Variants in SUGCT observed in about 807,000 individuals in gnomAD.
The protein encoded by SUGCT is succinyl-CoA:glutarate CoA-transferase.
In SUGCT, 41 loss-of-function variants were observed where a neutral mutation model predicts 55.0. That is an observed-to-expected ratio of 0.74 (90% CI 0.58 to 0.97). SUGCT has a LOEUF of 0.97. SUGCT is among the 50% of genes least tolerant of loss of function. SUGCT has a pLI of 0.00. For missense variants in SUGCT, 568 were observed against 547.8 expected, an observed-to-expected ratio of 1.04 and a Z score of -0.37; for synonymous variants, 187 against 200.4, an observed-to-expected ratio of 0.93 and a Z score of 0.56.
intron 12 of SUGCT, among the ~76,000 whole-genome samples, chr7:40,586,304 G>A (rs956275544): frequency 3.3e-5 from 5 of 152,128 alleles, no homozygotes; most frequent in African/African-American, 4.8e-5. Flanking sequence ...GCCACTAGCC[G>A]TTTTGCTTGA....
intron 9 of SUGCT, among the ~76,000 whole-genome samples, chr7:40,363,201 C>CT: frequency 6.6e-6 from 1 of 151,902 alleles, no homozygotes; most frequent in Admixed American, 6.6e-5. Flanking sequence ...ATTCTTCTCT[C>CT]TTTTTTTCTT....
chr7:40,631,738 A>G (rs188377019), intron 12 of SUGCT, among the ~76,000 whole-genome samples: 13 of 152,298 alleles, frequency 8.5e-5, no homozygotes, highest in African/African-American at 2.9e-4. Flanking sequence ...CTAGAAGACC[A>G]CTGAGTTAAG....
chr7:40,676,982 C>T (rs1378603225), intron 12 of SUGCT, among the ~76,000 whole-genome samples: 1 of 151,354 alleles, frequency 6.6e-6, no homozygotes, highest in Non-Finnish European at 1.5e-5. Flanking sequence ...GAAGTGCCCA[C>T]ATAAGTCATT....
Position 40,269,047 on chromosome 7 carries a change from C to T in SUGCT, c.577-5466C>T, listed in dbSNP as rs73318537. On this transcript the variant is annotated intron_variant, in intron 7 of 13. Transcript: ENST00000335693. The stretch of plus-strand genomic sequence containing the variant: ...CCAGACTGTTTATCACAGTGACTAC[C>T]GCATTTCACAGTCCCACCAATAGTA... Among the ~76,000 whole-genome samples the T allele has an allele frequency of 6.2e-3, 946 of 152,270 alleles. 7 individuals are homozygous for T. The highest frequency in any genetic ancestry group is 0.021 in the African/African-American group (891 of 41,558).
At chr7:41,025,521 C>T in the SUGCT span, among the ~76,000 whole-genome samples, 6 of 151,976 alleles carry the variant, frequency 3.9e-5, no homozygotes, top group Admixed American at 3.9e-4. Flanking sequence ...AGGCACCCAC[C>T]ACCACTACTA....
chr7:40,363,638 A>C (rs1276125377), intron 9 of SUGCT, among the ~76,000 whole-genome samples: 1 of 152,130 alleles, frequency 6.6e-6, no homozygotes, highest in Admixed American at 6.5e-5. Context: ...TGAGTTTCTT[A>C]ATCCTGAGTT....
intron 1 of SUGCT, among the ~76,000 whole-genome samples, chr7:40,177,075 GTTGTTATTATA>G (rs1784963994): frequency 6.6e-6 from 1 of 151,760 alleles, no homozygotes; most frequent in Non-Finnish European, 1.5e-5. Context: ...CAGTATTTAG[GTTGTTATTATA>G]TTGTTTCATC....
chr7:40,963,978 C>G, the SUGCT span, among the ~76,000 whole-genome samples: 3 of 152,120 alleles, frequency 2.0e-5, no homozygotes, highest in Non-Finnish European at 4.4e-5. Flanking sequence ...ATTGTTTTTC[C>G]TTCACATTAA....
intron 13 of SUGCT, among the ~76,000 whole-genome samples, chr7:40,833,111 C>G (rs1323037584): frequency 6.6e-6 from 1 of 151,904 alleles, no homozygotes; most frequent in African/African-American, 2.4e-5. Flanking sequence ...TCTTGGTTGT[C>G]CCACTGGAAA....
intron 9 of SUGCT, among the ~76,000 whole-genome samples, chr7:40,328,109 A>G (rs1796107892): frequency 2.0e-5 from 3 of 152,206 alleles, no homozygotes; most frequent in Admixed American, 2.0e-4. Flanking sequence ...AGAAATAATT[A>G]TGTGACCTTT....
chr7:40,801,683 G>A (rs965472178), intron 13 of SUGCT, among the ~76,000 whole-genome samples: 16 of 152,078 alleles, frequency 1.1e-4, no homozygotes. Context: ...CTAGAAATAA[G>A]TTCAGAATTG....
At chr7:40,458,615 A>G (rs1789614777) in intron 10 of SUGCT, among the ~76,000 whole-genome samples, 1 of 152,226 alleles carries the variant, frequency 6.6e-6, no homozygotes, top group Non-Finnish European at 1.5e-5. Flanking sequence ...ACCTGGGAAG[A>G]TCACAGTATT....
intron 9 of SUGCT, among the ~76,000 whole-genome samples, chr7:40,377,115 A>G (rs965598864): frequency 1.4e-4 from 2 of 13,814 alleles, no homozygotes; most frequent in African/African-American, 1.8e-4. Context: ...TGGAAAGGAA[A>G]TTTTCAGCCT....
intron 12 of SUGCT, among the ~76,000 whole-genome samples, chr7:40,595,685 G>A (rs1448192176): frequency 1.3e-5 from 2 of 150,102 alleles, no homozygotes; most frequent in Non-Finnish European, 3.0e-5. Flanking sequence ...ACTAGTTACA[G>A]TTATAACTAG....
At chr7:40,732,873 T>A (rs1786967536) in intron 12 of SUGCT, among the ~76,000 whole-genome samples, 1 of 152,092 alleles carries the variant, frequency 6.6e-6, no homozygotes, top group South Asian at 2.1e-4. Flanking sequence ...GTGGATCACT[T>A]GAGGTCAGGA....
chr7:40,511,700 A>G (rs1792941558), intron 12 of SUGCT, among the ~76,000 whole-genome samples: 1 of 152,202 alleles, frequency 6.6e-6, no homozygotes, highest in South Asian at 2.1e-4. Context: ...CATTACATAA[A>G]TGCAAAGACA....
intron 12 of SUGCT, among the ~76,000 whole-genome samples, chr7:40,537,315 T>C (rs1013828298): frequency 5.3e-5 from 8 of 152,160 alleles, no homozygotes; most frequent in Non-Finnish European, 1.0e-4. Flanking sequence ...CCACCGAATC[T>C]GATGAGAACA....
At chr7:41,008,668 C>T in the SUGCT span, among the ~76,000 whole-genome samples, 1 of 152,000 alleles carries the variant, frequency 6.6e-6, no homozygotes, top group Non-Finnish European at 1.5e-5. Flanking sequence ...TGGGAGGCCT[C>T]TCGGTGGGGA....
At chr7:40,168,231 C>G (rs992497148) in intron 1 of SUGCT, among the ~76,000 whole-genome samples, 14 of 152,118 alleles carry the variant, frequency 9.2e-5, no homozygotes, top group Admixed American at 2.6e-4. Context: ...TCAGTACCCC[C>G]CAACAGGAAA....
Sources: gnomAD v4.1 joint callset for allele counts (sites outside exome capture counted in the v4.1 genomes callset) on GRCh38, gnomAD v4.1.1 for gene constraint, MANE v1.5 for transcripts, NCBI Gene and HGNC (gene_info 2026-07-23, HGNC 2026-07-21) for gene names.